Variants in GTF2H3 observed in about 807,000 individuals in gnomAD.
GTF2H3 encodes general transcription factor IIH subunit 3, also known as TFIIH basal transcription factor complex p34 subunit.
A neutral mutation model predicts 51.1 loss-of-function variants in GTF2H3; 42 were observed. The ratio of observed to expected loss-of-function variants is 0.82; its 90% CI spans 0.64 to 1.06. GTF2H3 has a LOEUF of 1.06. GTF2H3 is among the 50% of genes least tolerant of loss of function. GTF2H3 has a pLI of 0.00. For synonymous variants in GTF2H3, 123 were observed against 123.8 expected, an observed-to-expected ratio of 0.99 and a Z score of 0.04; for missense variants, 326 against 366.1, an observed-to-expected ratio of 0.89 and a Z score of 0.89.
chr12:123,656,931 C>CA (rs1328943618), intron 9 of GTF2H3, among the ~76,000 whole-genome samples: 1 of 151,940 alleles, frequency 6.6e-6, no homozygotes, highest in African/African-American at 2.4e-5. Context: ...ATAAACAATA[C>CA]AAAAAAATTA....
At chr12:123,656,501 C>T (rs530988150) in intron 9 of GTF2H3, among the ~76,000 whole-genome samples, 2 of 152,144 alleles carry the variant, frequency 1.3e-5, no homozygotes, top group African/African-American at 2.4e-5. Context: ...CTCCTCAGCC[C>T]TCACATTCAT....
intron 2 of GTF2H3, among the ~76,000 whole-genome samples, chr12:123,644,082 C>T (rs761637168): frequency 4.6e-5 from 7 of 152,132 alleles, no homozygotes; most frequent in African/African-American, 7.2e-5. Flanking sequence ...CTGCCTGCCT[C>T]GGCCTCCCAA....
rs1218556568 is a variant in GTF2H3, at chr12:123,661,634, CTG to C, written c.*1401_*1402del. ...CCAGCCTGGGTGACAGAGCGAGACT[CTG>C]TATCAAAAAAAAAAAAGATCGGGCA... On this transcript the variant is annotated 3_prime_UTR_variant, in exon 13 of 13. Transcript: ENST00000543341. The C allele has an allele frequency of 9.7e-6, 1 of 103,540 alleles. No individual in the cohort carries two copies. Among genetic ancestry groups the C allele is most frequent in the Non-Finnish European group, 1.8e-5 (1 of 57,022 alleles). 6.4% of individuals were successfully genotyped at this position (103,540 alleles called of 1,614,324 possible).
At chr12:123,642,141 A>T (rs1270597118) in intron 2 of GTF2H3, among the ~76,000 whole-genome samples, 1 of 149,928 alleles carries the variant, frequency 6.7e-6, no homozygotes, top group Non-Finnish European at 1.5e-5. Context: ...GGCATGAGCC[A>T]CTGCACCCAG....
At chr12:123,648,573 G>A (rs1397537141) in intron 4 of GTF2H3, among the ~76,000 whole-genome samples, 3 of 151,898 alleles carry the variant, frequency 2.0e-5, no homozygotes, top group South Asian at 2.1e-4. Flanking sequence ...ATGCTCAAAT[G>A]CCTCCATTTC....
At chr12:123,645,765 A>AG in intron 3 of GTF2H3, among the ~76,000 whole-genome samples, 1 of 152,244 alleles carries the variant, frequency 6.6e-6, no homozygotes, top group Non-Finnish European at 1.5e-5. Context: ...TAGTAGAGTT[A>AG]CACAATGGCC....
At chr12:123,633,986 G>A in intron 1 of GTF2H3, 114 bp downstream of exon 1, 1 of 1,118,340 alleles carries the variant, frequency 8.9e-7, no homozygotes, top group Non-Finnish European at 1.4e-6. Flanking sequence ...TTGGTCTTTA[G>A]AGGAGTAGCC....
intron 1 of GTF2H3, among the ~76,000 whole-genome samples, chr12:123,638,083 G>A (rs1001880642): frequency 2.0e-5 from 3 of 151,182 alleles, no homozygotes; most frequent in African/African-American, 2.4e-5. Context: ...CTGTAGCCTC[G>A]ACTTCCCGGT....
At chr12:123,642,742 T>C (rs1955395148) in intron 2 of GTF2H3, among the ~76,000 whole-genome samples, 1 of 152,226 alleles carries the variant, frequency 6.6e-6, no homozygotes, top group African/African-American at 2.4e-5. Context: ...ATAAATCTGA[T>C]AACGCAGTGT....
At chr12:123,647,856 A>G (rs982647567) in intron 3 of GTF2H3, 107 bp from the exon 4 acceptor site, 6 of 628,702 alleles carry the variant, frequency 9.5e-6, no homozygotes, top group Non-Finnish European at 1.3e-5. Flanking sequence ...TGTGAGTCCC[A>G]CATTGTTGTA....
At chr12:123,645,327 C>T (rs1200664367) in intron 2 of GTF2H3, 128 bp from the exon 3 acceptor site, 11 of 617,800 alleles carry the variant, frequency 1.8e-5, no homozygotes, top group Non-Finnish European at 2.6e-5. Context: ...ACCTTGGCCT[C>T]TCAGGGTGCT....
intron 4 of GTF2H3, among the ~76,000 whole-genome samples, chr12:123,650,675 A>G (rs557612705): frequency 6.6e-6 from 1 of 152,316 alleles, no homozygotes; most frequent in East Asian, 1.9e-4. Flanking sequence ...ACCGCCATCC[A>G]TCGCCAGAAC....
intron 3 of GTF2H3, among the ~76,000 whole-genome samples, chr12:123,647,152 CA>C (rs1157428737): frequency 0.045 from 2,856 of 63,174 alleles, 30 homozygotes; most frequent in Middle Eastern, 0.14. Flanking sequence ...GACCCTGTCT[CA>C]AAAAAAAAAA....
At chr12:123,639,215 T>C (rs1955332329) in intron 1 of GTF2H3, 49 bp from the exon 2 acceptor site, 2 of 902,996 alleles carry the variant, frequency 2.2e-6, no homozygotes, top group Non-Finnish European at 1.8e-6. Context: ...CTTTGATTCA[T>C]TTTTATGGAG....
intron 5 of GTF2H3, among the ~76,000 whole-genome samples, chr12:123,651,618 G>A (rs1955521803): frequency 6.6e-6 from 1 of 151,902 alleles, no homozygotes; most frequent in African/African-American, 2.4e-5. Context: ...AGGAAATCAA[G>A]ACCATCCTGG....
chr12:123,640,178 G>A (rs7311689), intron 2 of GTF2H3, among the ~76,000 whole-genome samples: 11,260 of 151,980 alleles, frequency 0.074, 589 homozygotes, highest in African/African-American at 0.14. Context: ...ATGTTTGTTC[G>A]TTTGTAATCT....
chr12:123,659,937 T>TA lies in GTF2H3; in HGVS notation c.820+9dup, dbSNP rs746936449. 1.2e-6 allele frequency: 2 copies of TA among 1,611,200 alleles called. No individual in the cohort carries two copies. The highest frequency in any genetic ancestry group is 2.2e-5 in the South Asian group (2 of 89,750). On this transcript the variant is annotated splice_region_variant and intron_variant, in intron 11 of 12. Transcript: ENST00000543341. ...TGTTCTGTGTGTTTGTCAAGTAAGT[T>TA]AATGTACCTAGTTTTTCTTTTTTTT...
chr12:123,652,651 C>G, intron 6 of GTF2H3, 56 bp from the exon 7 acceptor site: 1 of 1,535,258 alleles, frequency 6.5e-7, no homozygotes, highest in Non-Finnish European at 8.9e-7. Flanking sequence ...GGTTAGGAAA[C>G]CATATATGAT....
At position 123,653,809 on chromosome 12, in the gene GTF2H3, G is replaced by T. The variant is rs77241919; in HGVS notation, c.486+1074G>T. On this transcript the variant is annotated intron_variant, in intron 7 of 12. Coordinates refer to ENST00000543341, the MANE Select transcript of GTF2H3 (RefSeq NM_001516.5). ...TAAATTGGTAAAAATCTTTTCTGGG[G>T]TGCATTTTGGTAATCTGTGTCAAAA... 4.6e-5 allele frequency among the ~76,000 whole-genome samples: 7 copies of T among 152,208 alleles called. No individual in the cohort carries two copies. The East Asian group carries it at 7.7e-4, about 17-fold the overall frequency.
Sources: gnomAD v4.1 joint callset for allele counts (sites outside exome capture counted in the v4.1 genomes callset) on GRCh38, gnomAD v4.1.1 for gene constraint, MANE v1.5 for transcripts, NCBI Gene and HGNC (gene_info 2026-07-23, HGNC 2026-07-21) for gene names.